ZNF324B: variants seen among roughly 807,000 people sequenced by gnomAD.
ZNF324B encodes zinc finger protein 324B.
In ZNF324B, 7 loss-of-function variants were observed where a neutral mutation model predicts 10.6. The ratio of observed to expected loss-of-function variants is 0.66; its 90% confidence interval spans 0.38 to 1.24. The LOEUF (loss-of-function observed/expected upper bound fraction) is 1.24, where lower values mean the gene tolerates loss of function less well. Among genes scored for constraint, ZNF324B ranks in the 50% most tolerant of loss-of-function variants. The pLI is 0.02. For missense variants in ZNF324B, 640 were observed against 764.7 expected, an observed-to-expected ratio of 0.84 and a Z score of 1.92; for synonymous variants, 316 against 321.0, an observed-to-expected ratio of 0.98 and a Z score of 0.17.
At chr19:58,427,647 G>A in the ZNF324B span, among the ~76,000 whole-genome samples, 4 of 150,318 alleles carry the variant, frequency 2.7e-5, no homozygotes, top group South Asian at 2.1e-4. Context: ...GAGCTACCGC[G>A]CCCAGCCTTT....
the ZNF324B span, among the ~76,000 whole-genome samples, chr19:58,427,343 CTCTTTCCTTTCTTTCTTT>C: frequency 4.3e-5 from 1 of 23,098 alleles, no homozygotes; most frequent in East Asian, 1.2e-3. Flanking sequence ...TTCTTTCTTT[CTCTTTCCTTTCTTTCTTT>C]CTTTCTTTCT....
chr19:58,454,983 C>A, intron 3 of ZNF324B, 200 bp from the exon 4 acceptor site: 1 of 762,104 alleles, frequency 1.3e-6, no homozygotes, highest in Admixed American at 2.0e-5. Context: ...TCATGGGAGT[C>A]CCCACTGCAG....
At position 58,455,737 on chromosome 19, in the gene ZNF324B, G is replaced by A. The variant is rs1428504993; in HGVS notation, c.793G>A (p.Val265Met). 3.7e-6 allele frequency: 6 copies of A among 1,613,846 alleles called. No individual in the cohort carries two copies. Reference protein sequence around the residue: ...KSFECRACSKVFVKSSDLLKH... With the variant: ...KSFECRACSKMFVKSSDLLKH... ...CTTCGAATGCAGGGCGTGCAGCAAA[G>A]TGTTCGTGAAGAGCTCCGACCTCCT... Residue 265 changes from valine (V) to methionine (M), a missense_variant, in exon 4 of 4, where the codon GTG becomes ATG. By Grantham distance (21) the Val-to-Met change is conservative. Coordinates refer to ENST00000336614, the MANE Select transcript of ZNF324B (RefSeq NM_207395.3). The surrounding 1 kb of genome is among the most constrained non-coding windows in gnomAD (Gnocchi z 7.0).
Position 58,455,464 on chromosome 19 carries a change from C to T in ZNF324B, c.520C>T (p.Pro174Ser), listed in dbSNP as rs1447837626. 2 of 1,614,094 alleles carry T rather than the reference C, an allele frequency of 1.2e-6. No individual in the cohort carries two copies. Among genetic ancestry groups the T allele is most frequent in the Non-Finnish European group, 1.7e-6 (2 of 1,179,982 alleles). The change falls in exon 4 of 4, where the codon CCC becomes TCC. Residue 174 changes from proline to serine, a missense_variant. Transcript: ENST00000336614. This position sits in a 1 kb window ranked among gnomAD's most constrained non-coding sequence, Gnocchi z 7.0. ...ACTCAGGCCCCCCAAGAGCAGCCGG[C>T]CCAGGGAAAAGACCTTCACAGAGTA... ...SPLRPPKSSR[P>S]REKTFTEYRV...
chr19:58,422,250 C>T, the ZNF324B span, among the ~76,000 whole-genome samples: 5 of 152,164 alleles, frequency 3.3e-5, no homozygotes, highest in African/African-American at 7.2e-5. Context: ...CTCAACTAGG[C>T]GTAGAAGGAA....
chr19:58,427,320 T>TTTCTTTCTTTCTTTCC, the ZNF324B span, among the ~76,000 whole-genome samples: 179 of 85,642 alleles, frequency 2.1e-3, 9 homozygotes, highest in East Asian at 0.03. Context: ...TCTTTCTTTC[T>TTTCTTTCTTTCTTTCC]TTCTTTCTTT....
chr19:58,443,034 G>A, the ZNF324B span: 1 of 151,994 alleles, frequency 6.6e-6, no homozygotes, highest in Non-Finnish European at 1.5e-5. Flanking sequence ...GCACTGATTG[G>A]TCCATTTTAC....
At position 58,456,177 on chromosome 19, in the gene ZNF324B, G is replaced by T. The variant is rs1180667720; in HGVS notation, c.1233G>T (p.Ser411=). Residue 411 remains serine (S), a synonymous_variant, in exon 4 of 4, where the codon TCG becomes TCT. Transcript: ENST00000336614. This position sits in a 1 kb window ranked among gnomAD's most constrained non-coding sequence, Gnocchi z 4.7. ...GTGCTGCCTTCAGCCAGGGCTCCTC[G>T]CTCTTTTTGCACCAGCGCGTGCACA... The part of the protein sequence containing the change: ...LCGAAFSQGS[S]LFLHQRVHTG... 1.2e-6 allele frequency: 2 copies of T among 1,612,762 alleles called. No homozygotes were observed. The highest frequency in any genetic ancestry group is 1.7e-6 in the Non-Finnish European group (2 of 1,179,692).
chr19:58,451,585 T>A, upstream of ZNF324B: 1 of 516,620 alleles, frequency 1.9e-6, no homozygotes, highest in Non-Finnish European at 3.9e-6. Context: ...ATTGGGGCAA[T>A]GTGAGCTCTG....
Position 58,457,793 on chromosome 19 carries a change from A to G in ZNF324B, c.*1214A>G, listed in dbSNP as rs1172678922. The G allele has an allele frequency of 2.6e-5, 4 of 152,174 alleles. No homozygotes were observed. Among genetic ancestry groups the G allele is most frequent in the Non-Finnish European group, 4.4e-5 (3 of 68,040 alleles). The allele number at this position is 152,174 out of a possible 1,614,324, so 9.4% of individuals were successfully genotyped here. On this transcript the variant is annotated 3_prime_UTR_variant, in exon 4 of 4. Coordinates refer to ENST00000336614, the MANE Select transcript of ZNF324B (RefSeq NM_207395.3). ...TGGTCTTTTCAATGGAGAAAAAAAAAGACTAGTATTTGCAACTTCAAATAG... is the reference window on the plus strand; with the variant it reads ...TGGTCTTTTCAATGGAGAAAAAAAAGGACTAGTATTTGCAACTTCAAATAG...
chr19:58,433,340 T>C, the ZNF324B span: 11 of 1,612,994 alleles, frequency 6.8e-6, no homozygotes, highest in South Asian at 1.2e-4. Context: ...TGAATCTTTT[T>C]ATGCTGTGCA....
chr19:58,454,450 T>C (rs1395332892), intron 3 of ZNF324B, 106 bp downstream of exon 3: 1 of 747,770 alleles, frequency 1.3e-6, no homozygotes, highest in Non-Finnish European at 2.4e-6. Flanking sequence ...GCCTCCTACC[T>C]GACTCCCTTC....
chr19:58,433,506 CT>C, the ZNF324B span: 1 of 1,614,188 alleles, frequency 6.2e-7, no homozygotes. Flanking sequence ...TGTGAACTCT[CT>C]GATGACGAAC....
In ZNF324B at chr19:58,455,700, T is replaced by A; in HGVS notation, c.756T>A (p.Ala252=). The part of the protein sequence containing the change: ...TWDELGEALH[A]GEKSFECRAC... ...ACGAGCTGGGCGAGGCTCTTCACGCTGGGGAGAAGTCCTTCGAATGCAGGG... is the reference window on the plus strand; with the variant it reads ...ACGAGCTGGGCGAGGCTCTTCACGCAGGGGAGAAGTCCTTCGAATGCAGGG... The change falls in exon 4 of 4, where the codon GCT becomes GCA. Residue 252 remains alanine (A), a synonymous_variant. Coordinates refer to ENST00000336614, the MANE Select transcript of ZNF324B (RefSeq NM_207395.3). The surrounding 1 kb of genome is among the most constrained non-coding windows in gnomAD (Gnocchi z 7.0). 6.2e-7 allele frequency: 1 copy of A among 1,613,546 alleles called. No homozygotes were observed. Among genetic ancestry groups the A allele is most frequent in the Non-Finnish European group, 8.5e-7 (1 of 1,179,884 alleles).
In ZNF324B at chr19:58,456,547, C is replaced by T. The variant is rs376664794; in HGVS notation, c.1603C>T (p.Pro535Ser). ...TCGGAAGGTGCGCCGGGGAGGGAAG[C>T]CAAGCCCAGTCCTGAAGCCAGCGAA... ...HHRKVRRGGK[P>S]SPVLKPAKV Residue 535 changes from proline to serine, a missense_variant, in exon 4 of 4, where the codon CCA becomes TCA. Pro to Ser is a moderately conservative substitution (Grantham distance 74). Around this residue, in one of 3 missense-constraint regions of ZNF324B, gnomAD observed 238 missense variants for 258.0 expected, o/e 0.92. Transcript: ENST00000336614. This position sits in a 1 kb window ranked among gnomAD's most constrained non-coding sequence, Gnocchi z 4.7. 1.1e-5 allele frequency: 17 copies of T among 1,613,962 alleles called. No homozygotes were observed. The African/African-American group carries it at 2.0e-4, about 19-fold the overall frequency.
chr19:58,457,177 A>T lies in ZNF324B; in HGVS notation c.*598A>T, dbSNP rs1302914029. ...CTCAGCATCATGTTTGCAGATGCTG[A>T]CAGACGGGATCCTAATGAGAGTCAA... On this transcript the variant is annotated 3_prime_UTR_variant, in exon 4 of 4. Coordinates refer to ENST00000336614, the MANE Select transcript of ZNF324B (RefSeq NM_207395.3). 1 of 156,020 alleles carries T rather than the reference A, an allele frequency of 6.4e-6. No individual in the cohort carries two copies. Among genetic ancestry groups the T allele is most frequent in the African/African-American group, 2.4e-5 (1 of 41,470 alleles). The allele number at this position is 156,020 out of a possible 1,614,324, so 9.7% of individuals were successfully genotyped here. A position where few individuals can be genotyped will look rare whatever the true frequency, so the allele number is the denominator to read the frequency against.
chr19:58,432,792 A>T, the ZNF324B span: 1 of 165,508 alleles, frequency 6.0e-6, no homozygotes, highest in African/African-American at 2.4e-5. Flanking sequence ...ACCTACCCCA[A>T]CAGAACCCCT....
chr19:58,427,368 TTCTTTCTTTCTTTC>T, the ZNF324B span, among the ~76,000 whole-genome samples: 1 of 41,650 alleles, frequency 2.4e-5, no homozygotes, highest in East Asian at 1.1e-3. Flanking sequence ...CTTTCTTTCT[TTCTTTCTTTCTTTC>T]TTTCTTTCTT....
the ZNF324B span, among the ~76,000 whole-genome samples, chr19:58,420,419 A>C: frequency 6.0e-3 from 838 of 139,584 alleles, 4 homozygotes; most frequent in Admixed American, 8.5e-3. Context: ...ACTCTGTCTC[A>C]AAAAAAAAAA....
Sources: allele counts gnomAD v4.1 joint callset (sites outside exome capture counted in the v4.1 genomes callset), GRCh38; gene constraint gnomAD v4.1.1; regional missense constraint gnomAD v4.1.1; non-coding constraint Gnocchi (gnomAD v3.1); transcripts MANE v1.5; gene names NCBI Gene and HGNC (gene_info 2026-07-23, HGNC 2026-07-21).